The following TCAIM variants were observed in gnomAD, a reference collection of about 807,000 sequenced individuals.
TCAIM encodes T-cell activation inhibitor, mitochondrial.
Under a neutral mutation model 58.6 loss-of-function variants are expected in TCAIM, and 36 were observed. That is an observed-to-expected ratio of 0.61 (90% CI 0.47 to 0.81). The LOEUF is 0.81. Among genes scored for constraint, TCAIM ranks in the 30% least tolerant of loss-of-function variants. TCAIM has a pLI of 0.00. For synonymous variants in TCAIM, 172 were observed against 193.6 expected, an observed-to-expected ratio of 0.89 and a Z score of 0.93; for missense variants, 466 against 579.6, an observed-to-expected ratio of 0.80 and a Z score of 2.01.
chr3:44,383,990 T>G (rs1483206574), intron 5 of TCAIM, among the ~76,000 whole-genome samples: 2 of 152,144 alleles, frequency 1.3e-5, no homozygotes, highest in Admixed American at 1.3e-4. Flanking sequence ...TATAGGTAAT[T>G]TCATTTCTTA....
chr3:44,398,622 G>A (rs1189362748), intron 8 of TCAIM, among the ~76,000 whole-genome samples: 1 of 152,180 alleles, frequency 6.6e-6, no homozygotes, highest in Non-Finnish European at 1.5e-5. Context: ...AGTGGTACAG[G>A]CATTCTGGAA....
intron 8 of TCAIM, 126 bp from the exon 9 acceptor site, chr3:44,400,229 G>T: frequency 2.8e-6 from 2 of 725,110 alleles, no homozygotes; most frequent in Non-Finnish European, 4.4e-6. Flanking sequence ...TCTCTTACTT[G>T]AACTTTCCTT....
At chr3:44,358,391 C>T (rs1024004312) in intron 3 of TCAIM, 7 of 638,010 alleles carry the variant, frequency 1.1e-5, no homozygotes, top group Non-Finnish European at 1.9e-5. Context: ...TTAGAAAATA[C>T]AGTCAGTCCT....
chr3:44,392,574 G>C (rs371595657), intron 5 of TCAIM, among the ~76,000 whole-genome samples: 1 of 152,208 alleles, frequency 6.6e-6, no homozygotes, highest in Non-Finnish European at 1.5e-5. Context: ...AGAACATGCA[G>C]TATGTGGTTT....
At chr3:44,379,668 A>C (rs1423119029) in intron 5 of TCAIM, among the ~76,000 whole-genome samples, 1 of 152,188 alleles carries the variant, frequency 6.6e-6, no homozygotes, top group Non-Finnish European at 1.5e-5. Context: ...TGGGAACAAA[A>C]TAATGAGAAC....
chr3:44,365,054 G>T (rs1343853777), intron 4 of TCAIM, among the ~76,000 whole-genome samples: 1 of 152,102 alleles, frequency 6.6e-6, no homozygotes, highest in Non-Finnish European at 1.5e-5. Flanking sequence ...TAAATAATGA[G>T]CTGATAAATT....
chr3:44,351,556 G>A (rs1270220234), intron 1 of TCAIM, among the ~76,000 whole-genome samples: 9 of 151,984 alleles, frequency 5.9e-5, no homozygotes, highest in South Asian at 4.2e-4. Context: ...GTGCAGTGGC[G>A]TGATCTCGGC....
chr3:44,401,333 G>A lies in TCAIM; in HGVS notation c.1249G>A (p.Glu417Lys). ...AAGAGAGAACATGAAAAGAAAGGAA[G>A]AGTAAGTACTGCCAGTCTTCTGTAA... ...QARENMKRKE[E>K]LKVIENELIQ... Residue 417 changes from glutamate (E) to lysine (K), a missense_variant and splice_region_variant, in exon 10 of 11, where the codon GAG becomes AAG. Physicochemically the swap from Glu to Lys is moderately conservative, Grantham distance 56. Coordinates refer to ENST00000342649, the MANE Select transcript of TCAIM (RefSeq NM_173826.4). The A allele has an allele frequency of 1.2e-6, 2 of 1,613,760 alleles. No individual in the cohort carries two copies. Among genetic ancestry groups the A allele is most frequent in the Admixed American group, 1.7e-5 (1 of 59,996 alleles).
intron 6 of TCAIM, among the ~76,000 whole-genome samples, chr3:44,393,693 C>A (rs1423084942): frequency 1.3e-5 from 2 of 151,654 alleles, no homozygotes; most frequent in Non-Finnish European, 2.9e-5. Context: ...GAGGCCAAGG[C>A]AGGAGGATCA....
rs1238189348 is a variant in TCAIM at position 44,400,346 on chromosome 3, A to G, written c.886-9A>G. On this transcript the variant is annotated splice_polypyrimidine_tract_variant and intron_variant, in intron 8 of 10. Coordinates refer to ENST00000342649, the MANE Select transcript of TCAIM (RefSeq NM_173826.4). ...ACTAATTATTTCTTTCCCTTTGTTA[A>G]CACTGTAGCTTTTTGAAAGATTGCC... The G allele has an allele frequency of 2.5e-6, 4 of 1,604,186 alleles. No homozygotes were observed. In the African/African-American group the frequency reaches 5.4e-5, roughly 22 times the overall value.
Position 44,361,536 on chromosome 3 carries a change from G to T in TCAIM, c.319+18G>T, listed in dbSNP as rs1423198219. ...TACTTCCGGTACGTTTTTTATTTCT[G>T]GTGTGTCCCTTGCAAGCTTAATGTT... On this transcript the variant is annotated intron_variant, in intron 4 of 10. Transcript: ENST00000342649. 1.3e-6 allele frequency: 2 copies of T among 1,571,430 alleles called. No individual in the cohort carries two copies. Among genetic ancestry groups the T allele is most frequent in the South Asian group, 1.2e-5 (1 of 82,208 alleles).
At chr3:44,370,914 T>TC (rs1701457851) in intron 5 of TCAIM, among the ~76,000 whole-genome samples, 1 of 148,484 alleles carries the variant, frequency 6.7e-6, no homozygotes, top group African/African-American at 2.5e-5. Flanking sequence ...GCTAATTTTT[T>TC]TTTTTTTTTT....
chr3:44,378,056 G>C (rs1371308137), intron 5 of TCAIM, among the ~76,000 whole-genome samples: 1 of 152,130 alleles, frequency 6.6e-6, no homozygotes, highest in African/African-American at 2.4e-5. Flanking sequence ...ATCTGACAAA[G>C]GTCTAATATC....
chr3:44,345,101 G>A (rs1256527950), intron 1 of TCAIM, among the ~76,000 whole-genome samples: 1 of 152,098 alleles, frequency 6.6e-6, no homozygotes, highest in African/African-American at 2.4e-5. Flanking sequence ...TTTGGGGGTG[G>A]TATGGAAAGA....
At chr3:44,369,221 C>T (rs1232480835) in intron 5 of TCAIM, among the ~76,000 whole-genome samples, 4 of 152,130 alleles carry the variant, frequency 2.6e-5, no homozygotes, top group Non-Finnish European at 5.9e-5. Context: ...ATGTGGGACA[C>T]GGCACATACA....
In TCAIM at chr3:44,392,352, G is replaced by A. The variant is rs767226992; in HGVS notation, c.573-503G>A. Among the ~76,000 whole-genome samples the A allele has an allele frequency of 3.9e-5, 6 of 152,134 alleles. No individual in the cohort carries two copies. In the East Asian group the frequency reaches 5.8e-4, roughly 15 times the overall value. On this transcript the variant is annotated intron_variant, in intron 5 of 10. Coordinates refer to ENST00000342649, the MANE Select transcript of TCAIM (RefSeq NM_173826.4). ...CAATTTTTTTTTAACTTTTAGGTTC[G>A]GGTTACATGTGTAGGTTTGTTATAT...
At chr3:44,349,318 G>A (rs1343160004) in intron 1 of TCAIM, among the ~76,000 whole-genome samples, 1 of 152,170 alleles carries the variant, frequency 6.6e-6, no homozygotes, top group Non-Finnish European at 1.5e-5. Context: ...TTGTAGGATG[G>A]ATAAATTGAA....
At chr3:44,347,790 A>C in intron 1 of TCAIM, among the ~76,000 whole-genome samples, 1 of 152,042 alleles carries the variant, frequency 6.6e-6, no homozygotes, top group Admixed American at 6.5e-5. Flanking sequence ...GCAGGGTAAG[A>C]GTGATTAGTT....
At chr3:44,366,837 T>C (rs1575252850) in intron 4 of TCAIM, among the ~76,000 whole-genome samples, 1 of 152,180 alleles carries the variant, frequency 6.6e-6, no homozygotes, top group East Asian at 1.9e-4. Flanking sequence ...CCTGAGTTCA[T>C]AATCCACCCA....
Sources: allele counts gnomAD v4.1 joint callset (sites outside exome capture counted in the v4.1 genomes callset), GRCh38; gene constraint gnomAD v4.1.1; transcripts MANE v1.5; gene names NCBI Gene and HGNC (gene_info 2026-07-23, HGNC 2026-07-21).